SATB2: variants seen among roughly 807,000 people sequenced by gnomAD.
The protein encoded by SATB2 is SATB homeobox 2, also known as DNA-binding protein SATB2.
In SATB2, 1 loss-of-function variant was observed where a neutral mutation model predicts 73.4. The ratio of observed to expected loss-of-function variants is 0.01; its 90% confidence interval spans 0.00 to 0.06. SATB2 has a LOEUF of 0.06. Among genes scored for constraint, SATB2 ranks in the 10% least tolerant of loss-of-function variants. The pLI, the probability that SATB2 is intolerant of heterozygous loss-of-function variation, is 1.00. For synonymous variants in SATB2, 397 were observed against 367.0 expected, an observed-to-expected ratio of 1.08 and a Z score of -0.93; for missense variants, 459 against 945.8, an observed-to-expected ratio of 0.49 and a Z score of 6.75.
intron 3 of SATB2, among the ~76,000 whole-genome samples, chr2:199,423,077 T>C (rs1045819147): frequency 6.6e-6 from 1 of 152,174 alleles, no homozygotes; most frequent in Non-Finnish European, 1.5e-5. Context: ...TTTGTTCTGG[T>C]TAAGCAGCTT....
intron 3 of SATB2, among the ~76,000 whole-genome samples, chr2:199,392,465 T>A (rs183567609): frequency 1.3e-4 from 20 of 152,318 alleles, no homozygotes; most frequent in African/African-American, 2.6e-4. Context: ...AGCTTTTTTT[T>A]AAACCATATT....
upstream of SATB2, among the ~76,000 whole-genome samples, chr2:199,458,994 G>A (rs1692394077): frequency 1.3e-5 from 2 of 152,108 alleles, no homozygotes; most frequent in South Asian, 4.1e-4. Flanking sequence ...GGTGGCACAG[G>A]AATGGGGGTT....
rs115327699 is a variant in SATB2 at position 199,278,241 on chromosome 2, C to T, written c.1741-5569G>A. ...AACAGAAAGGCAAACAAAAAGGCTGCCAGGCAAGAATATACTTGGTACAAT... is the reference window on the plus strand; with the variant it reads ...AACAGAAAGGCAAACAAAAAGGCTGTCAGGCAAGAATATACTTGGTACAAT... On this transcript the variant is annotated intron_variant, in intron 10 of 10. Transcript: ENST00000417098. 3.5e-3 allele frequency among the ~76,000 whole-genome samples: 539 copies of T among 152,174 alleles called. 3 individuals are homozygous for T. Among genetic ancestry groups the T allele is most frequent in the African/African-American group, 0.012 (506 of 41,508 alleles).
chr2:199,365,214 A>G (rs532590290), intron 6 of SATB2, among the ~76,000 whole-genome samples: 1 of 151,960 alleles, frequency 6.6e-6, no homozygotes, highest in South Asian at 2.1e-4. Context: ...GATAAAATGT[A>G]CTTTTTTTTT....
rs1248208502 is a variant in SATB2 at position 199,271,308 on chromosome 2, C to T, written c.*903G>A. ...TTCTCTGCACTGAATTTCAGTTTTA[C>T]TTATTTGGAATTCCACAGAAATGCA... On this transcript the variant is annotated 3_prime_UTR_variant, in exon 11 of 11. Coordinates refer to ENST00000417098, the MANE Select transcript of SATB2 (RefSeq NM_001172509.2). 1.3e-5 allele frequency: 2 copies of T among 152,682 alleles called. No homozygotes were observed. Among genetic ancestry groups the T allele is most frequent in the African/African-American group, 4.8e-5 (2 of 41,416 alleles). The allele number at this position is 152,682 out of a possible 1,614,324, so 9.5% of individuals were successfully genotyped here.
chr2:199,378,012 T>C (rs1386543595), intron 5 of SATB2, among the ~76,000 whole-genome samples: 1 of 152,148 alleles, frequency 6.6e-6, no homozygotes, highest in East Asian at 1.9e-4. Flanking sequence ...CTCCGAACTA[T>C]GTGAAACATG....
Position 199,455,920 on chromosome 2 carries a change from G to C in SATB2, c.118C>G (p.Pro40Ala), listed in dbSNP as rs1191904885. ...TTGGGCCTCCCGCGGGCTCCCATGGGGCTGCCGTTCTGCTCCAGCCGGGCC... is the reference window on the plus strand; with the variant it reads ...TTGGGCCTCCCGCGGGCTCCCATGGCGCTGCCGTTCTGCTCCAGCCGGGCC... ...KVARLEQNGS[P>A]MGARGRPNGA... is the part of the protein sequence containing the mutation. Residue 40 changes from proline (P) to alanine (A), a missense_variant, in exon 2 of 11, where the codon CCC (proline) becomes GCC (alanine). Physicochemically the swap from Pro to Ala is conservative, Grantham distance 27. This residue lies in a region of SATB2 where 74 missense variants were observed against 113.3 expected (regional missense o/e 0.65). Transcript: ENST00000417098. This position sits in a 1 kb window ranked among gnomAD's most constrained non-coding sequence, Gnocchi z 4.1. The C allele has an allele frequency of 6.5e-7, 1 of 1,538,314 alleles. No homozygotes were observed. The highest frequency in any genetic ancestry group is 8.7e-7 in the Non-Finnish European group (1 of 1,148,010).
intron 3 of SATB2, among the ~76,000 whole-genome samples, chr2:199,393,272 G>A (rs913223662): frequency 6.6e-6 from 1 of 152,168 alleles, no homozygotes; most frequent in African/African-American, 2.4e-5. Context: ...AGGAGGGAAG[G>A]AGGGAATGAA....
At chr2:199,402,250 T>C (rs138069660) in intron 3 of SATB2, among the ~76,000 whole-genome samples, 2 of 152,260 alleles carry the variant, frequency 1.3e-5, no homozygotes, top group East Asian at 3.9e-4. Context: ...CCAGGCGTAG[T>C]GGTGCGCACC....
intron 3 of SATB2, among the ~76,000 whole-genome samples, chr2:199,383,027 G>T (rs1689825097): frequency 6.6e-6 from 1 of 152,156 alleles, no homozygotes; most frequent in South Asian, 2.1e-4. Context: ...TCCTGTCCAA[G>T]ATGAAATAAA....
At chr2:199,367,632 C>T (rs766284275) in intron 6 of SATB2, among the ~76,000 whole-genome samples, 2 of 152,060 alleles carry the variant, frequency 1.3e-5, no homozygotes, top group East Asian at 1.9e-4. Flanking sequence ...TTTGCCCCTC[C>T]GATGGGGGCA....
intron 3 of SATB2, among the ~76,000 whole-genome samples, chr2:199,393,912 G>GT (rs1280764409): frequency 6.6e-6 from 1 of 152,048 alleles, no homozygotes; most frequent in Non-Finnish European, 1.5e-5. Flanking sequence ...GCTCAATCAG[G>GT]TTTTTTTAAA....
chr2:199,434,921 A>G (rs1691608607), intron 2 of SATB2, among the ~76,000 whole-genome samples: 1 of 152,178 alleles, frequency 6.6e-6, no homozygotes, highest in South Asian at 2.1e-4. Context: ...TGTGCTAATT[A>G]TTATTATTAA....
At chr2:199,309,090 G>A (rs961473374) in intron 9 of SATB2, 133 bp from the exon 10 acceptor site, 7 of 790,140 alleles carry the variant, frequency 8.9e-6, no homozygotes, top group Non-Finnish European at 1.5e-5. Flanking sequence ...GGGAGATAGT[G>A]AAACAGTCTG....
rs932322550 is a variant in SATB2 at position 199,456,079 on chromosome 2, A to T, written c.-42T>A. 2.0e-6 allele frequency: 3 copies of T among 1,527,418 alleles called. No homozygotes were observed. The highest frequency in any genetic ancestry group is 2.6e-6 in the Non-Finnish European group (3 of 1,139,178). 94.6% of individuals were successfully genotyped at this position (1,527,418 alleles called of 1,614,324 possible). On this transcript the variant is annotated 5_prime_UTR_variant, in exon 2 of 11. Coordinates refer to ENST00000417098, the MANE Select transcript of SATB2 (RefSeq NM_001172509.2). ...GACAAAGTTCCCACCGGCAGGTCGC[A>T]ATAAAACGCACAGGGACCTAGGGAG...
intron 3 of SATB2, among the ~76,000 whole-genome samples, chr2:199,389,743 T>A (rs370662695): frequency 6.6e-6 from 1 of 152,112 alleles, no homozygotes; most frequent in East Asian, 1.9e-4. Flanking sequence ...AAATCATATT[T>A]CTATCTTTCA....
intron 5 of SATB2, among the ~76,000 whole-genome samples, chr2:199,374,813 A>G (rs982386785): frequency 1.3e-5 from 2 of 151,952 alleles, no homozygotes. Flanking sequence ...AAAACACAAA[A>G]ATTAGCCGGG....
chr2:199,315,878 A>G (rs1222587709), intron 9 of SATB2, among the ~76,000 whole-genome samples: 3 of 152,080 alleles, frequency 2.0e-5, no homozygotes, highest in Non-Finnish European at 4.4e-5. Flanking sequence ...CTAATTAGTA[A>G]GTAGCCCCCA....
intron 2 of SATB2, among the ~76,000 whole-genome samples, chr2:199,435,571 T>C (rs1214252116): frequency 6.6e-6 from 1 of 152,124 alleles, no homozygotes; most frequent in African/African-American, 2.4e-5. Context: ...CTCGAACTCC[T>C]AACCTCAGGT....
Sources: gnomAD v4.1 joint callset for allele counts (sites outside exome capture counted in the v4.1 genomes callset) on GRCh38, gnomAD v4.1.1 for gene constraint, gnomAD v4.1.1 regional missense constraint, Gnocchi (gnomAD v3.1) non-coding constraint, MANE v1.5 for transcripts, NCBI Gene and HGNC (gene_info 2026-07-23, HGNC 2026-07-21) for gene names.